EDIL3: variants seen among roughly 807,000 people sequenced by gnomAD.
EDIL3 encodes EGF-like repeat and discoidin I-like domain-containing protein 3.
In EDIL3, 37 loss-of-function variants were observed where a neutral mutation model predicts 67.4. The ratio of observed to expected loss-of-function variants is 0.55; its 90% CI spans 0.42 to 0.72. The LOEUF is 0.72. EDIL3 is among the 30% of genes least tolerant of loss of function. EDIL3 has a pLI of 0.00. For synonymous variants in EDIL3, 195 were observed against 196.3 expected (o/e 0.99, Z 0.05); for missense variants, 527 against 586.3 (o/e 0.90, Z 1.04).
At chr5:84,119,026 A>C (rs1305114963) in intron 5 of EDIL3, among the ~76,000 whole-genome samples, 2 of 152,148 alleles carry the variant, frequency 1.3e-5, no homozygotes, top group African/African-American at 4.8e-5. Flanking sequence ...GTTAGCACAT[A>C]GTAAATTATA....
intron 1 of EDIL3, among the ~76,000 whole-genome samples, chr5:84,369,542 CACAGAA>C (rs1469868825): frequency 6.6e-6 from 1 of 151,912 alleles, no homozygotes; most frequent in Non-Finnish European, 1.5e-5. Flanking sequence ...TAGTCAAAAT[CACAGAA>C]ACAGAAAGTA....
At chr5:84,372,579 C>T (rs1039411002) in intron 1 of EDIL3, among the ~76,000 whole-genome samples, 3 of 152,136 alleles carry the variant, frequency 2.0e-5, no homozygotes, top group Non-Finnish European at 4.4e-5. Flanking sequence ...CAGAAATCTT[C>T]CTATCCCCCA....
intron 3 of EDIL3, among the ~76,000 whole-genome samples, chr5:84,190,577 GTGTA>G (rs1348612133): frequency 2.4e-4 from 15 of 61,802 alleles, no homozygotes; most frequent in South Asian, 9.1e-4. Flanking sequence ...GTGTGTGTGT[GTGTA>G]TATATATATA....
intron 3 of EDIL3, among the ~76,000 whole-genome samples, chr5:84,197,870 C>T (rs890670292): frequency 2.0e-5 from 3 of 151,822 alleles, no homozygotes; most frequent in Admixed American, 2.0e-4. Context: ...TCATTTAAGA[C>T]ATTTAAGCAA....
intron 6 of EDIL3, among the ~76,000 whole-genome samples, chr5:84,067,388 A>T (rs1485177622): frequency 6.6e-6 from 1 of 152,188 alleles, no homozygotes; most frequent in African/African-American, 2.4e-5. Context: ...CAAATGCTAC[A>T]ATGTAGAAAA....
intron 6 of EDIL3, among the ~76,000 whole-genome samples, chr5:84,075,545 A>G (rs62364224): frequency 0.66 from 100,572 of 151,542 alleles, 34,232 homozygotes; most frequent in African/African-American, 0.82. Context: ...GTGCAATCTC[A>G]GCTCACTGCA....
At chr5:84,029,758 G>T (rs1745883176) in intron 9 of EDIL3, among the ~76,000 whole-genome samples, 1 of 152,120 alleles carries the variant, frequency 6.6e-6, no homozygotes, top group East Asian at 1.9e-4. Flanking sequence ...CAGAGGCAGG[G>T]ACATCCTCAC....
At chr5:84,088,478 C>T (rs894569719) in intron 6 of EDIL3, among the ~76,000 whole-genome samples, 4 of 152,048 alleles carry the variant, frequency 2.6e-5, no homozygotes, top group African/African-American at 9.7e-5. Flanking sequence ...TAGGCTGGGC[C>T]CCTGCAAAGA....
intron 3 of EDIL3, among the ~76,000 whole-genome samples, chr5:84,209,174 A>G (rs940804798): frequency 3.3e-5 from 5 of 151,102 alleles, no homozygotes; most frequent in Admixed American, 2.6e-4. Flanking sequence ...GAATTGAACA[A>G]TGAGAACACA....
chr5:84,364,033 A>T (rs776560124), intron 1 of EDIL3, among the ~76,000 whole-genome samples: 4 of 152,192 alleles, frequency 2.6e-5, no homozygotes, highest in Non-Finnish European at 5.9e-5. Flanking sequence ...CTTAATGGGT[A>T]CAGTAAAATA....
chr5:84,009,369 G>A (rs903928987), intron 9 of EDIL3, among the ~76,000 whole-genome samples: 24 of 152,084 alleles, frequency 1.6e-4, no homozygotes, highest in Non-Finnish European at 3.1e-4. Flanking sequence ...GAGCCGGTGG[G>A]ATCTCCTGAC....
intron 9 of EDIL3, among the ~76,000 whole-genome samples, chr5:84,052,929 A>T (rs989693326): frequency 1.3e-5 from 2 of 152,200 alleles, no homozygotes; most frequent in Non-Finnish European, 1.5e-5. Context: ...GATATCCAGG[A>T]ATTGAATTCA....
chr5:84,302,064 C>T (rs901064914), intron 1 of EDIL3, among the ~76,000 whole-genome samples: 5 of 151,982 alleles, frequency 3.3e-5, no homozygotes, highest in East Asian at 1.9e-4. Context: ...TGACTATACA[C>T]GTATATAGAA....
At chr5:84,230,995 T>C (rs1744566273) in intron 2 of EDIL3, among the ~76,000 whole-genome samples, 1 of 152,190 alleles carries the variant, frequency 6.6e-6, no homozygotes, top group Non-Finnish European at 1.5e-5. Flanking sequence ...CCTTGGGTAG[T>C]GGTTACCAAC....
At chr5:83,944,027 TTAA>T (rs1744271623) in intron 10 of EDIL3, among the ~76,000 whole-genome samples, 1 of 151,984 alleles carries the variant, frequency 6.6e-6, no homozygotes, top group Admixed American at 6.6e-5. Flanking sequence ...TGCAGAGTGT[TTAA>T]GAGAACAAGC....
chr5:84,155,285 G>T (rs951029693), intron 4 of EDIL3, among the ~76,000 whole-genome samples: 1 of 152,080 alleles, frequency 6.6e-6, no homozygotes, highest in Non-Finnish European at 1.5e-5. Context: ...AAAGTTAAAG[G>T]TACATTAATT....
chr5:84,079,270 G>C (rs1746920492), intron 6 of EDIL3, among the ~76,000 whole-genome samples: 1 of 151,992 alleles, frequency 6.6e-6, no homozygotes, highest in Non-Finnish European at 1.5e-5. Flanking sequence ...GTTTCCCTGA[G>C]TTCTGTGAGG....
At chr5:84,037,575 AT>A (rs1482434006) in intron 9 of EDIL3, among the ~76,000 whole-genome samples, 1 of 152,196 alleles carries the variant, frequency 6.6e-6, no homozygotes, top group Non-Finnish European at 1.5e-5. Flanking sequence ...ATTTCAGTAT[AT>A]TTTTTAAAAA....
chr5:84,311,307 A>G (rs959155859), intron 1 of EDIL3, among the ~76,000 whole-genome samples: 16 of 102,796 alleles, frequency 1.6e-4, no homozygotes, highest in African/African-American at 5.5e-4. Flanking sequence ...TATTCAATGT[A>G]TTTTCTTTTT....
Sources: allele counts gnomAD v4.1 joint callset (sites outside exome capture counted in the v4.1 genomes callset), GRCh38; gene constraint gnomAD v4.1.1; transcripts MANE v1.5; gene names NCBI Gene and HGNC (gene_info 2026-07-23, HGNC 2026-07-21).